The following SLC24A2 variants were observed in gnomAD, a reference collection of about 807,000 sequenced individuals.
SLC24A2 encodes solute carrier family 24 member 2, also known as sodium/potassium/calcium exchanger 2.
Under a neutral mutation model 62.0 loss-of-function variants are expected in SLC24A2, and 36 were observed. That is an observed-to-expected ratio of 0.58 (90% confidence interval 0.44 to 0.77). SLC24A2 has a LOEUF of 0.77. Among genes scored for constraint, SLC24A2 ranks in the 30% least tolerant of loss-of-function variants. The pLI, the probability that SLC24A2 is intolerant of heterozygous loss-of-function variation, is 0.00. For synonymous variants in SLC24A2, 358 were observed against 294.0 expected (o/e 1.22, Z -2.23); for missense variants, 846 against 817.9 (o/e 1.03, Z -0.42).
chr9:20,271,219 C>T, the SLC24A2 span, among the ~76,000 whole-genome samples: 1 of 152,204 alleles, frequency 6.6e-6, no homozygotes, highest in African/African-American at 2.4e-5. Flanking sequence ...AAGATGTTGT[C>T]TGTGCTGGCT....
the SLC24A2 span, among the ~76,000 whole-genome samples, chr9:20,221,150 TATC>T: frequency 6.6e-6 from 1 of 152,102 alleles, no homozygotes; most frequent in African/African-American, 2.4e-5. Context: ...TTTTTAAAGA[TATC>T]ATGCTAATTG....
the SLC24A2 span, among the ~76,000 whole-genome samples, chr9:19,893,071 G>A: frequency 5.9e-5 from 9 of 152,100 alleles, no homozygotes; most frequent in African/African-American, 9.7e-5. Flanking sequence ...AGAGAACTTC[G>A]TCTTTAATAA....
At chr9:19,941,588 T>TGA in the SLC24A2 span, among the ~76,000 whole-genome samples, 1,442 of 74,048 alleles carry the variant, frequency 0.019, 14 homozygotes, top group African/African-American at 0.064. Flanking sequence ...TGTGTGTGTG[T>TGA]GTGAGAGAGA....
At chr9:19,655,527 A>G (rs1303422916) in intron 2 of SLC24A2, among the ~76,000 whole-genome samples, 1 of 152,200 alleles carries the variant, frequency 6.6e-6, no homozygotes, top group Non-Finnish European at 1.5e-5. Flanking sequence ...CTCTTTGGAA[A>G]GTCTTCCATT....
chr9:20,055,925 T>A, the SLC24A2 span, among the ~76,000 whole-genome samples: 1 of 151,846 alleles, frequency 6.6e-6, no homozygotes, highest in Non-Finnish European at 1.5e-5. Flanking sequence ...TAAATAGACA[T>A]ACCAGCTCCA....
rs572541090 is a variant in SLC24A2 at position 19,507,921 on chromosome 9, A to C, written c.*8232T>G. 1 of 152,260 alleles carries C rather than the reference A, an allele frequency of 6.6e-6. No homozygotes were observed. Among genetic ancestry groups the C allele is most frequent in the African/African-American group, 2.4e-5 (1 of 41,470 alleles). 9.4% of individuals were successfully genotyped at this position (152,260 alleles called of 1,614,324 possible). A position where few individuals can be genotyped will look rare whatever the true frequency, so the allele number is the denominator to read the frequency against. On this transcript the variant is annotated 3_prime_UTR_variant, in exon 11 of 11. Transcript: ENST00000341998. Reference sequence around the variant, plus strand: ...AAAATGGCATTCTGATATTTTTAACATAACCTGTCTAAAAGACAGTTTATA... The same window carrying C: ...AAAATGGCATTCTGATATTTTTAACCTAACCTGTCTAAAAGACAGTTTATA...
At chr9:20,084,200 C>A in the SLC24A2 span, among the ~76,000 whole-genome samples, 1 of 152,162 alleles carries the variant, frequency 6.6e-6, no homozygotes, top group East Asian at 1.9e-4. Flanking sequence ...TCAGCAGGTA[C>A]CTGAAAGCTG....
rs1818283435 is a variant in SLC24A2, at chr9:19,635,288, C to A, written c.931-12989G>T. Among the ~76,000 whole-genome samples the A allele has an allele frequency of 1.3e-5, 2 of 152,044 alleles. 1 individual carries two copies. The highest frequency in any genetic ancestry group is 4.1e-4 in the South Asian group (2 of 4,826). ...GGGGAAAAATGACATGAGAAATATC[C>A]CATCAAAAAGCTTTTTTTCCTAATT... On this transcript the variant is annotated intron_variant, in intron 2 of 10. Transcript: ENST00000341998.
the SLC24A2 span, among the ~76,000 whole-genome samples, chr9:19,923,007 A>T: frequency 6.7e-6 from 1 of 149,744 alleles, no homozygotes; most frequent in Non-Finnish European, 1.5e-5. Flanking sequence ...ATATTTATAT[A>T]TATAAAACAT....
At position 19,576,916 on chromosome 9, in the gene SLC24A2, G is replaced by A; in HGVS notation, c.1228+8C>T. 1.2e-6 allele frequency: 2 copies of A among 1,601,298 alleles called. No individual in the cohort carries two copies. The highest frequency in any genetic ancestry group is 1.7e-6 in the Non-Finnish European group (2 of 1,168,294). On this transcript the variant is annotated splice_region_variant and intron_variant, in intron 6 of 10. Coordinates refer to ENST00000341998, the MANE Select transcript of SLC24A2 (RefSeq NM_020344.4). Reference sequence around the variant, plus strand: ...AAAGGTATGGGGTGGATGTTTCCCTGCACTCACCCACGTGGTTGGCAGCCC... The same window carrying A: ...AAAGGTATGGGGTGGATGTTTCCCTACACTCACCCACGTGGTTGGCAGCCC...
chr9:20,092,372 C>A, the SLC24A2 span, among the ~76,000 whole-genome samples: 1 of 152,130 alleles, frequency 6.6e-6, no homozygotes, highest in Non-Finnish European at 1.5e-5. Flanking sequence ...CTGCTTGAAG[C>A]CCAGGGTGGC....
At chr9:20,238,405 G>A in the SLC24A2 span, among the ~76,000 whole-genome samples, 1 of 152,126 alleles carries the variant, frequency 6.6e-6, no homozygotes, top group Non-Finnish European at 1.5e-5. Context: ...ATTTCCTTTA[G>A]AGTGGAACTC....
At chr9:20,145,155 A>G in the SLC24A2 span, among the ~76,000 whole-genome samples, 1 of 152,178 alleles carries the variant, frequency 6.6e-6, no homozygotes, top group Non-Finnish European at 1.5e-5. Context: ...GGCAAATTCC[A>G]ACTCAAGAGG....
chr9:19,801,942 A>G, the SLC24A2 span, among the ~76,000 whole-genome samples: 1 of 152,200 alleles, frequency 6.6e-6, no homozygotes, highest in Non-Finnish European at 1.5e-5. Flanking sequence ...TCTTGCCCCT[A>G]TAAGGAGAGG....
the SLC24A2 span, among the ~76,000 whole-genome samples, chr9:20,034,164 CTTGA>C: frequency 6.6e-6 from 1 of 152,156 alleles, no homozygotes; most frequent in Non-Finnish European, 1.5e-5. Flanking sequence ...ATCCTTCCTG[CTTGA>C]TTATCTACAC....
At chr9:19,947,055 TA>T in the SLC24A2 span, among the ~76,000 whole-genome samples, 290 of 152,340 alleles carry the variant, frequency 1.9e-3, 5 homozygotes, top group Middle Eastern at 0.01. Context: ...GCAAATACTG[TA>T]ACATAAGTAA....
chr9:20,182,826 G>A, the SLC24A2 span, among the ~76,000 whole-genome samples: 1 of 152,134 alleles, frequency 6.6e-6, no homozygotes, highest in Non-Finnish European at 1.5e-5. Context: ...TCACATTCAT[G>A]TATAAGTATA....
chr9:20,071,474 A>G, the SLC24A2 span, among the ~76,000 whole-genome samples: 1 of 152,304 alleles, frequency 6.6e-6, no homozygotes, highest in Non-Finnish European at 1.5e-5. Flanking sequence ...TGTATTTTGC[A>G]TGTGCAATGG....
intron 7 of SLC24A2, among the ~76,000 whole-genome samples, chr9:19,554,454 G>C (rs1834985584): frequency 6.6e-6 from 1 of 152,174 alleles, no homozygotes; most frequent in African/African-American, 2.4e-5. Flanking sequence ...TCAGGGACTT[G>C]AGCATCCATG....
Sources: gnomAD v4.1 joint callset for allele counts (sites outside exome capture counted in the v4.1 genomes callset) on GRCh38, gnomAD v4.1.1 for gene constraint, MANE v1.5 for transcripts, NCBI Gene and HGNC (gene_info 2026-07-23, HGNC 2026-07-21) for gene names.